NDRG3: variants seen among roughly 807,000 people sequenced by gnomAD.
The protein encoded by NDRG3 is NDRG family member 3, also known as protein NDRG3.
In NDRG3, 23 loss-of-function variants were observed where a neutral mutation model predicts 57.2. That is an observed-to-expected ratio of 0.40 (90% CI 0.29 to 0.57). The LOEUF (loss-of-function observed/expected upper bound fraction) is 0.57. Ranked by LOEUF, NDRG3 falls within the 20% of genes least tolerant of loss-of-function variation. The pLI is 0.42. For missense variants in NDRG3, 384 were observed against 457.3 expected, an observed-to-expected ratio of 0.84 and a Z score of 1.46; for synonymous variants, 132 against 162.6, an observed-to-expected ratio of 0.81 and a Z score of 1.43.
At chr20:36,697,502 T>G (rs1366169241) in intron 3 of NDRG3, among the ~76,000 whole-genome samples, 1 of 151,914 alleles carries the variant, frequency 6.6e-6, no homozygotes, top group African/African-American at 2.4e-5. Flanking sequence ...AGGTCAGGAG[T>G]TTGAGACCAG....
At chr20:36,665,125 T>G in intron 11 of NDRG3, 28 bp from the exon 12 acceptor site, 1 of 1,613,280 alleles carries the variant, frequency 6.2e-7, no homozygotes, top group Non-Finnish European at 8.5e-7. Flanking sequence ...GAGGTGTCAC[T>G]CAGCAAATAG....
At chr20:36,705,216 G>A (rs1002799962) in intron 3 of NDRG3, among the ~76,000 whole-genome samples, 6 of 151,602 alleles carry the variant, frequency 4.0e-5, no homozygotes, top group Admixed American at 2.6e-4. Context: ...CAGCTACTTG[G>A]AGGCTGAGGC....
intron 5 of NDRG3, 54 bp downstream of exon 5, chr20:36,687,438 A>G: frequency 6.3e-7 from 1 of 1,589,222 alleles, no homozygotes; most frequent in Non-Finnish European, 8.6e-7. Context: ...ACTGGAGCTC[A>G]GCCAGTTGCT....
At chr20:36,655,598 C>T (rs1202668549) in intron 15 of NDRG3, among the ~76,000 whole-genome samples, 2 of 152,186 alleles carry the variant, frequency 1.3e-5, no homozygotes, top group Non-Finnish European at 2.9e-5. Context: ...CTGGAGTCTC[C>T]ATTTCATTTC....
chr20:36,698,909 C>T (rs1983024352), intron 3 of NDRG3, among the ~76,000 whole-genome samples: 1 of 151,882 alleles, frequency 6.6e-6, no homozygotes, highest in Non-Finnish European at 1.5e-5. Context: ...ACTATAGATT[C>T]TGTTTATTTA....
chr20:36,692,243 G>A (rs550626374), intron 3 of NDRG3, among the ~76,000 whole-genome samples: 9 of 152,078 alleles, frequency 5.9e-5, no homozygotes, highest in Non-Finnish European at 1.0e-4. Flanking sequence ...TTTTTGAGAC[G>A]GAGTCTTACT....
chr20:36,670,076 A>G (rs1354966529), intron 9 of NDRG3, among the ~76,000 whole-genome samples: 1 of 152,238 alleles, frequency 6.6e-6, no homozygotes, highest in Non-Finnish European at 1.5e-5. Context: ...AGAACAGTCA[A>G]AATTAATCTA....
chr20:36,662,578 G>C (rs1228568031), intron 12 of NDRG3, among the ~76,000 whole-genome samples: 1 of 152,170 alleles, frequency 6.6e-6, no homozygotes, highest in Non-Finnish European at 1.5e-5. Context: ...ATAGCACTGA[G>C]TAAATAGGAG....
At chr20:36,689,942 G>T (rs574705807) in intron 3 of NDRG3, among the ~76,000 whole-genome samples, 1 of 151,732 alleles carries the variant, frequency 6.6e-6, no homozygotes, top group Non-Finnish European at 1.5e-5. Context: ...GGATGGTCTC[G>T]ATCTCCTGAC....
chr20:36,719,163 T>C (rs1984441148), intron 2 of NDRG3, among the ~76,000 whole-genome samples: 1 of 152,082 alleles, frequency 6.6e-6, no homozygotes, highest in African/African-American at 2.4e-5. Context: ...GCGTGGAAGT[T>C]CACGCCTGTA....
rs1600843678 is a variant in NDRG3 at position 36,653,461 on chromosome 20, T to C, written c.*59A>G. ...GGCCAGTTTACTGGATGAAATGTTA[T>C]ATTATGGAGTGGTCATTTGAAGGAT... On this transcript the variant is annotated 3_prime_UTR_variant, in exon 16 of 16. Coordinates refer to ENST00000349004, the MANE Select transcript of NDRG3 (RefSeq NM_032013.4). This position sits in a 1 kb window ranked among gnomAD's most constrained non-coding sequence, Gnocchi z 4.2. 9 of 1,473,740 alleles carry C rather than the reference T, an allele frequency of 6.1e-6. No individual in the cohort carries two copies. Among genetic ancestry groups the C allele is most frequent in the Admixed American group, 3.8e-5 (2 of 53,028 alleles). The allele number at this position is 1,473,740 out of a possible 1,614,324, so 91.3% of individuals were successfully genotyped here. A position where few individuals can be genotyped will look rare whatever the true frequency, so the allele number is the denominator to read the frequency against.
intron 3 of NDRG3, among the ~76,000 whole-genome samples, chr20:36,703,880 T>G (rs1292181485): frequency 6.6e-6 from 1 of 152,154 alleles, no homozygotes; most frequent in Non-Finnish European, 1.5e-5. Flanking sequence ...TATTAAAAAG[T>G]GACTCATAAT....
chr20:36,714,103 C>T (rs1984075685), intron 2 of NDRG3, among the ~76,000 whole-genome samples: 1 of 151,960 alleles, frequency 6.6e-6, no homozygotes, highest in Admixed American at 6.6e-5. Flanking sequence ...TTAAAATCAT[C>T]AGCAGGGCCG....
At chr20:36,660,184 G>A (rs1020547003) in intron 13 of NDRG3, among the ~76,000 whole-genome samples, 153 bp downstream of exon 13, 3 of 151,854 alleles carry the variant, frequency 2.0e-5, no homozygotes, top group Non-Finnish European at 4.4e-5. Context: ...CTCCAGCCAG[G>A]GCAACACAGC....
chr20:36,744,433 T>C (rs1986086303), intron 1 of NDRG3, among the ~76,000 whole-genome samples: 2 of 152,134 alleles, frequency 1.3e-5, no homozygotes, highest in African/African-American at 4.8e-5. Flanking sequence ...AAGGATCTAC[T>C]GTGAGCCAGG....
intron 2 of NDRG3, among the ~76,000 whole-genome samples, chr20:36,713,444 G>C (rs1042817247): frequency 6.6e-6 from 1 of 152,150 alleles, no homozygotes; most frequent in East Asian, 1.9e-4. Context: ...AAAAAAAAGG[G>C]GGGTGTGAAA....
chr20:36,671,207 C>A, intron 9 of NDRG3, 134 bp downstream of exon 9: 1 of 697,438 alleles, frequency 1.4e-6, no homozygotes. Flanking sequence ...GGGCCACATG[C>A]CTTTCAGACT....
chr20:36,711,416 G>A (rs1364115013), intron 2 of NDRG3, among the ~76,000 whole-genome samples: 2 of 152,032 alleles, frequency 1.3e-5, no homozygotes, highest in Non-Finnish European at 2.9e-5. Flanking sequence ...ATTCCCAAAG[G>A]TTCCTTTAGG....
At chr20:36,676,698 G>A (rs1980747691) in intron 8 of NDRG3, among the ~76,000 whole-genome samples, 1 of 152,236 alleles carries the variant, frequency 6.6e-6, no homozygotes, top group Admixed American at 6.5e-5. Flanking sequence ...CCTGACCTCA[G>A]GTGATCCACT....
Sources: gnomAD v4.1 joint callset for allele counts (sites outside exome capture counted in the v4.1 genomes callset) on GRCh38, gnomAD v4.1.1 for gene constraint, Gnocchi (gnomAD v3.1) non-coding constraint, MANE v1.5 for transcripts, NCBI Gene and HGNC (gene_info 2026-07-23, HGNC 2026-07-21) for gene names.